Variants in ADGRB3 observed in about 807,000 individuals in gnomAD.
ADGRB3 encodes the protein adhesion G protein-coupled receptor B3.
In ADGRB3, 37 loss-of-function variants were observed where a neutral mutation model predicts 193.4. The ratio of observed to expected loss-of-function variants is 0.19; its 90% CI spans 0.15 to 0.25. The LOEUF (loss-of-function observed/expected upper bound fraction) is 0.25. Among genes scored for constraint, ADGRB3 ranks in the 10% least tolerant of loss-of-function variants. The pLI, the probability that ADGRB3 is intolerant of heterozygous loss-of-function variation, is 1.00. For missense variants in ADGRB3, 1,637 were observed against 1,852.9 expected (o/e 0.88, Z 2.14); for synonymous variants, 690 against 644.2 (o/e 1.07, Z -1.08).
At chr6:68,814,966 C>T (rs550486961) in intron 3 of ADGRB3, among the ~76,000 whole-genome samples, 21 of 152,176 alleles carry the variant, frequency 1.4e-4, no homozygotes, top group African/African-American at 5.1e-4. Flanking sequence ...TCAATAAATT[C>T]GGTATTGATG....
chr6:69,264,453 T>C (rs1049033275), intron 20 of ADGRB3, among the ~76,000 whole-genome samples: 2 of 151,994 alleles, frequency 1.3e-5, no homozygotes, highest in African/African-American at 4.8e-5. Flanking sequence ...ACTTTTTTTT[T>C]CTATTCTTCT....
chr6:68,782,241 T>A lies in ADGRB3; in HGVS notation c.757+142809T>A, dbSNP rs1289106499. Among the ~76,000 whole-genome samples the A allele has an allele frequency of 8.6e-5, 13 of 151,122 alleles. 1 individual carries two copies. ...GTGGTGTTTGGTTTTTTTGTCCTTG[T>A]GATAGTTTGCTGAGAATGATGGTTT... On this transcript the variant is annotated intron_variant, in intron 3 of 31. Transcript: ENST00000370598.
intron 17 of ADGRB3, among the ~76,000 whole-genome samples, chr6:69,174,195 G>C (rs570899826): frequency 6.6e-6 from 1 of 152,274 alleles, no homozygotes; most frequent in South Asian, 2.1e-4. Context: ...GATTGATCCT[G>C]TCTCCCAGGT....
intron 3 of ADGRB3, among the ~76,000 whole-genome samples, chr6:68,772,623 G>A (rs1457440932): frequency 1.3e-5 from 2 of 151,790 alleles, no homozygotes; most frequent in Non-Finnish European, 2.9e-5. Flanking sequence ...GAAAAGTCAA[G>A]ACATTTGAAA....
chr6:69,162,929 A>C (rs984336298), intron 17 of ADGRB3, among the ~76,000 whole-genome samples: 5 of 151,982 alleles, frequency 3.3e-5, no homozygotes, highest in Non-Finnish European at 5.9e-5. Context: ...TCCCACACAG[A>C]CCGTGGGAGC....
At chr6:69,243,555 A>T (rs1398708008) in intron 20 of ADGRB3, among the ~76,000 whole-genome samples, 1 of 152,052 alleles carries the variant, frequency 6.6e-6, no homozygotes, top group African/African-American at 2.4e-5. Context: ...CAGTTCATTT[A>T]AGAGTAAGAA....
intron 20 of ADGRB3, among the ~76,000 whole-genome samples, chr6:69,266,529 G>T (rs1361105299): frequency 6.6e-6 from 1 of 151,960 alleles, no homozygotes; most frequent in Non-Finnish European, 1.5e-5. Context: ...AGAGCCATTT[G>T]TACTATTTAT....
intron 3 of ADGRB3, among the ~76,000 whole-genome samples, chr6:68,789,945 C>T (rs192247687): frequency 1.7e-4 from 26 of 152,300 alleles, no homozygotes; most frequent in Admixed American, 5.2e-4. Flanking sequence ...TTGATCGCAT[C>T]GGCTATTGAG....
intron 17 of ADGRB3, among the ~76,000 whole-genome samples, chr6:69,116,046 T>C (rs961503496): frequency 6.6e-6 from 1 of 152,176 alleles, no homozygotes; most frequent in Admixed American, 6.5e-5. Flanking sequence ...AGTTGCAGTC[T>C]TGAGTTCAAA....
At chr6:69,040,608 C>G (rs1200600101) in intron 13 of ADGRB3, among the ~76,000 whole-genome samples, 2 of 129,248 alleles carry the variant, frequency 1.5e-5, no homozygotes, top group Non-Finnish European at 3.1e-5. Flanking sequence ...AGCAAAGAGC[C>G]CTTGAGCAAA....
chr6:68,817,304 CATGTATATATAT>C (rs1275554189), intron 3 of ADGRB3, among the ~76,000 whole-genome samples: 675 of 57,096 alleles, frequency 0.012, 32 homozygotes, highest in South Asian at 0.037. Flanking sequence ...CCCTTTTGTC[CATGTATATATAT>C]ATATATATAT....
At chr6:68,792,908 G>T (rs1767136330) in intron 3 of ADGRB3, among the ~76,000 whole-genome samples, 1 of 152,002 alleles carries the variant, frequency 6.6e-6, no homozygotes, top group Non-Finnish European at 1.5e-5. Flanking sequence ...GTTAACCCCT[G>T]GTCATACACA....
intron 16 of ADGRB3, among the ~76,000 whole-genome samples, chr6:69,074,235 A>T (rs1404242683): frequency 6.6e-6 from 1 of 152,200 alleles, no homozygotes. Flanking sequence ...TATTGGAGTT[A>T]GTCATGTACC....
chr6:68,770,447 G>A (rs563395093), intron 3 of ADGRB3, among the ~76,000 whole-genome samples: 1 of 152,158 alleles, frequency 6.6e-6, no homozygotes, highest in South Asian at 2.1e-4. Context: ...AGACATGTCT[G>A]TTTTTTGTTT....
intron 10 of ADGRB3, among the ~76,000 whole-genome samples, chr6:68,989,009 C>G (rs2150272755): frequency 6.6e-6 from 1 of 152,174 alleles, no homozygotes; most frequent in South Asian, 2.1e-4. Flanking sequence ...CCTGAAGGCT[C>G]CACACCCAGA....
At chr6:69,235,472 A>G (rs1766242208) in intron 19 of ADGRB3, among the ~76,000 whole-genome samples, 1 of 152,074 alleles carries the variant, frequency 6.6e-6, no homozygotes, top group Admixed American at 6.6e-5. Flanking sequence ...CCCAATTGCT[A>G]TGGAGGCTGT....
chr6:69,222,378 C>T (rs1765913744), intron 17 of ADGRB3, among the ~76,000 whole-genome samples: 1 of 152,086 alleles, frequency 6.6e-6, no homozygotes. Context: ...CACGATATTC[C>T]TATAAAGTGG....
intron 20 of ADGRB3, among the ~76,000 whole-genome samples, chr6:69,316,239 T>C (rs1768308184): frequency 6.6e-6 from 1 of 151,328 alleles, no homozygotes; most frequent in African/African-American, 2.4e-5. Context: ...CAGTAAATAG[T>C]TATATTTCAT....
chr6:68,911,150 A>T (rs1432268534), intron 3 of ADGRB3, among the ~76,000 whole-genome samples: 1 of 151,872 alleles, frequency 6.6e-6, no homozygotes, highest in East Asian at 1.9e-4. Flanking sequence ...CATCATTCTC[A>T]GCAAACTATA....
Sources: allele counts gnomAD v4.1 joint callset (sites outside exome capture counted in the v4.1 genomes callset), GRCh38; gene constraint gnomAD v4.1.1; transcripts MANE v1.5; gene names NCBI Gene and HGNC (gene_info 2026-07-23, HGNC 2026-07-21).